Variants in CADM1 observed in about 807,000 individuals in gnomAD.
CADM1 encodes the protein TSLC-1.
In CADM1, 15 loss-of-function variants were observed where a neutral mutation model predicts 53.1. That is an observed-to-expected ratio of 0.28 (90% CI 0.19 to 0.44). The LOEUF (loss-of-function observed/expected upper bound fraction) is 0.44. CADM1 is among the 20% of genes least tolerant of loss of function. The probability of loss-of-function intolerance (pLI) is 1.00; values close to 1 mark genes in which losing one functional copy is unlikely to be tolerated. For missense variants in CADM1, 434 were observed against 611.3 expected, an observed-to-expected ratio of 0.71 and a Z score of 3.06; for synonymous variants, 281 against 243.0, an observed-to-expected ratio of 1.16 and a Z score of -1.45.
intron 1 of CADM1, among the ~76,000 whole-genome samples, chr11:115,498,286 C>G (rs1457466256): frequency 1.3e-5 from 2 of 152,208 alleles, no homozygotes; most frequent in Non-Finnish European, 2.9e-5. Context: ...GAAATTAGCA[C>G]TTAGCCAGTT....
chr11:115,258,357 G>A (rs558371225), intron 1 of CADM1, among the ~76,000 whole-genome samples: 4 of 152,006 alleles, frequency 2.6e-5, no homozygotes, highest in South Asian at 2.1e-4. Flanking sequence ...GTGATGCATC[G>A]CCTGCCCTTT....
At chr11:115,391,228 G>A (rs902125841) in intron 1 of CADM1, among the ~76,000 whole-genome samples, 2 of 152,140 alleles carry the variant, frequency 1.3e-5, no homozygotes, top group African/African-American at 2.4e-5. Flanking sequence ...CAATTTAAAT[G>A]AACAAAAATA....
At chr11:115,275,416 T>C (rs985882398) in intron 1 of CADM1, among the ~76,000 whole-genome samples, 2 of 152,188 alleles carry the variant, frequency 1.3e-5, no homozygotes, top group African/African-American at 4.8e-5. Context: ...ACTCGTAACA[T>C]GCTTTACAAC....
intron 1 of CADM1, among the ~76,000 whole-genome samples, chr11:115,461,629 G>A (rs1229116511): frequency 1.3e-5 from 2 of 152,178 alleles, no homozygotes; most frequent in East Asian, 3.8e-4. Flanking sequence ...GGTGAACGGC[G>A]GTGAGCTATG....
intron 1 of CADM1, among the ~76,000 whole-genome samples, chr11:115,410,812 G>A (rs1231716916): frequency 1.3e-5 from 2 of 152,140 alleles, no homozygotes; most frequent in South Asian, 2.1e-4. Context: ...CTGGCATACA[G>A]CAGTGTTGCT....
At chr11:115,411,432 G>A (rs1024973697) in intron 1 of CADM1, among the ~76,000 whole-genome samples, 3 of 152,212 alleles carry the variant, frequency 2.0e-5, no homozygotes, top group Admixed American at 2.0e-4. Flanking sequence ...ACTATATTTA[G>A]TTATGGAATG....
chr11:115,422,354 C>T (rs1947778829), intron 1 of CADM1, among the ~76,000 whole-genome samples: 1 of 152,170 alleles, frequency 6.6e-6, no homozygotes, highest in Non-Finnish European at 1.5e-5. Context: ...CCCGAAGCTG[C>T]AGCTCTCAAA....
intron 8 of CADM1, among the ~76,000 whole-genome samples, chr11:115,207,078 T>C (rs1345861435): frequency 6.6e-6 from 1 of 152,020 alleles, no homozygotes; most frequent in Non-Finnish European, 1.5e-5. Context: ...GCAAGATAAA[T>C]ATATATAAGA....
At chr11:115,191,420 C>G (rs908986640) in intron 9 of CADM1, among the ~76,000 whole-genome samples, 3 of 152,180 alleles carry the variant, frequency 2.0e-5, no homozygotes, top group African/African-American at 7.2e-5. Flanking sequence ...CAAAATGGTA[C>G]AGCATCTGCT....
intron 1 of CADM1, among the ~76,000 whole-genome samples, chr11:115,411,771 C>T (rs994764263): frequency 3.3e-5 from 5 of 151,878 alleles, no homozygotes; most frequent in Non-Finnish European, 7.4e-5. Flanking sequence ...ATTTCAAATA[C>T]CCTCACTGGT....
chr11:115,178,588 T>C, intron 11 of CADM1, 56 bp downstream of exon 11: 1 of 1,570,546 alleles, frequency 6.4e-7, no homozygotes, highest in Non-Finnish European at 8.7e-7. Context: ...TTGTAAAGTC[T>C]CCAAAGGCAG....
At chr11:115,256,693 A>C (rs983936337) in intron 1 of CADM1, 1 of 402,504 alleles carries the variant, frequency 2.5e-6, no homozygotes, top group Non-Finnish European at 5.2e-6. Flanking sequence ...AGGGAGAGAG[A>C]GCCAGCAACA....
At chr11:115,214,157 G>A (rs1387155183) in intron 7 of CADM1, among the ~76,000 whole-genome samples, 1 of 152,158 alleles carries the variant, frequency 6.6e-6, no homozygotes, top group East Asian at 1.9e-4. Flanking sequence ...AGTATTTACT[G>A]GCTTACAACA....
chr11:115,462,053 G>A (rs1948807342), intron 1 of CADM1, among the ~76,000 whole-genome samples: 1 of 152,162 alleles, frequency 6.6e-6, no homozygotes, highest in South Asian at 2.1e-4. Context: ...GCTAGCCCAA[G>A]TGCTGCCAAA....
intron 1 of CADM1, among the ~76,000 whole-genome samples, chr11:115,391,421 G>A (rs942495925): frequency 6.6e-5 from 10 of 152,130 alleles, no homozygotes; most frequent in African/African-American, 2.4e-4. Context: ...AATGGCCGTG[G>A]AGCACAGCTC....
chr11:115,270,851 G>T (rs1943277077), intron 1 of CADM1, among the ~76,000 whole-genome samples: 1 of 152,138 alleles, frequency 6.6e-6, no homozygotes, highest in South Asian at 2.1e-4. Flanking sequence ...AGTCCACTTG[G>T]TTTACAACAT....
rs889327697 is a variant in CADM1 at position 115,174,293 on chromosome 11, TTTTC to T, written c.*2177_*2180del. On this transcript the variant is annotated 3_prime_UTR_variant, in exon 12 of 12. Coordinates refer to ENST00000331581, the MANE Select transcript of CADM1 (RefSeq NM_001301043.2). ...TTTTTTTTTTTGTTTTTGTTTTTGT[TTTTC>T]TTTTTTTCTAAAAAGAACAACTGAA... 17 of 985,546 alleles carry T rather than the reference TTTTC, an allele frequency of 1.7e-5. No individual in the cohort carries two copies. In the African/African-American group the frequency reaches 2.3e-4, roughly 13 times the overall value. The allele number at this position is 985,546 out of a possible 1,614,324, so 61.1% of individuals were successfully genotyped here.
At chr11:115,181,569 T>G (rs1408378142) in intron 10 of CADM1, among the ~76,000 whole-genome samples, 1 of 152,158 alleles carries the variant, frequency 6.6e-6, no homozygotes, top group East Asian at 1.9e-4. Context: ...GTAACTGATG[T>G]TTAATTTACA....
chr11:115,451,922 A>G (rs915504505), intron 1 of CADM1, among the ~76,000 whole-genome samples: 67 of 147,316 alleles, frequency 4.5e-4, no homozygotes, highest in African/African-American at 1.5e-3. Flanking sequence ...GCTGGAGGGG[A>G]AAAAAAAAAA....
Sources: allele counts gnomAD v4.1 joint callset (sites outside exome capture counted in the v4.1 genomes callset), GRCh38; gene constraint gnomAD v4.1.1; transcripts MANE v1.5; gene names NCBI Gene and HGNC (gene_info 2026-07-23, HGNC 2026-07-21).